Variants in DRC9 observed in about 807,000 individuals in gnomAD.
DRC9 encodes the protein dynein regulatory complex subunit 9.
chr3:197,932,827 T>C, the DRC9 span, among the ~76,000 whole-genome samples: 1 of 109,710 alleles, frequency 9.1e-6, no homozygotes, highest in South Asian at 2.6e-4. Context: ...TATATATATG[T>C]ATTTATATAT....
chr3:197,896,075 G>A, the DRC9 span, among the ~76,000 whole-genome samples: 3 of 151,322 alleles, frequency 2.0e-5, no homozygotes, highest in Admixed American at 1.3e-4. Flanking sequence ...GGGCGCAGTG[G>A]CTCACACCTG....
chr3:197,890,056 A>G, the DRC9 span, among the ~76,000 whole-genome samples: 1 of 152,208 alleles, frequency 6.6e-6, no homozygotes, highest in African/African-American at 2.4e-5. Flanking sequence ...TGAACCAAAA[A>G]GAATGTTAGT....
chr3:197,897,249 G>C, the DRC9 span, among the ~76,000 whole-genome samples: 3 of 151,952 alleles, frequency 2.0e-5, no homozygotes, highest in Non-Finnish European at 4.4e-5. Context: ...GACTCAAAAA[G>C]AGATAAAACA....
chr3:197,905,826 A>G, the DRC9 span, among the ~76,000 whole-genome samples: 1 of 152,194 alleles, frequency 6.6e-6, no homozygotes, highest in Non-Finnish European at 1.5e-5. Flanking sequence ...AAGTCTATTA[A>G]TGTATTTCCC....
the DRC9 span, chr3:197,938,487 G>A: frequency 6.6e-6 from 8 of 1,206,926 alleles, no homozygotes; most frequent in Admixed American, 1.7e-5. Flanking sequence ...CCACCTGGGC[G>A]CCCCTTCGCT....
At chr3:197,944,198 C>T in the DRC9 span, 9 of 701,764 alleles carry the variant, frequency 1.3e-5, no homozygotes, top group East Asian at 1.3e-4. Context: ...GAGGATTTGG[C>T]GTGTGATTCT....
the DRC9 span, among the ~76,000 whole-genome samples, chr3:197,946,864 C>G: frequency 6.6e-6 from 1 of 151,966 alleles, no homozygotes; most frequent in African/African-American, 2.4e-5. Context: ...CTCTTCTTGC[C>G]TAGGCTGCAG....
chr3:197,904,733 A>T, the DRC9 span, among the ~76,000 whole-genome samples: 1 of 152,078 alleles, frequency 6.6e-6, no homozygotes, highest in Non-Finnish European at 1.5e-5. Flanking sequence ...GGTGGCGCAC[A>T]CCTGTAGTCC....
the DRC9 span, chr3:197,955,865 T>C: frequency 9.3e-7 from 1 of 1,080,002 alleles, no homozygotes; most frequent in Non-Finnish European, 1.4e-6. Context: ...ATTTGCTACA[T>C]GCTTAAAATG....
chr3:197,924,323 C>T, the DRC9 span, among the ~76,000 whole-genome samples: 9 of 152,242 alleles, frequency 5.9e-5, no homozygotes, highest in Non-Finnish European at 1.3e-4. Context: ...TGTGCCATTG[C>T]ACTCCAGCCT....
the DRC9 span, chr3:197,949,756 G>T: frequency 3.3e-6 from 1 of 303,698 alleles, no homozygotes; most frequent in Non-Finnish European, 6.0e-6. Context: ...TTCCATGCTA[G>T]ATTAGGATCC....
the DRC9 span, among the ~76,000 whole-genome samples, chr3:197,921,147 G>A: frequency 7.6e-6 from 1 of 130,794 alleles, no homozygotes; most frequent in African/African-American, 3.4e-5. Flanking sequence ...CAGTAACTCC[G>A]GGGATGTAAC....
chr3:197,954,046 A>C, the DRC9 span: 1 of 1,613,964 alleles, frequency 6.2e-7, no homozygotes, highest in Non-Finnish European at 8.5e-7. Context: ...AACCAGAGTC[A>C]TCTGGGGAAA....
At chr3:197,955,775 C>T in the DRC9 span, 1 of 1,603,262 alleles carries the variant, frequency 6.2e-7, no homozygotes, top group Non-Finnish European at 8.5e-7. Flanking sequence ...AGGATTTAAA[C>T]TAACGAAAAA....
chr3:197,895,945 A>G, the DRC9 span, among the ~76,000 whole-genome samples: 91 of 145,416 alleles, frequency 6.3e-4, 1 homozygote, highest in Non-Finnish European at 1.1e-3. Context: ...ATTGCACTCC[A>G]GCCTGGGCAA....
chr3:197,889,840 A>G, the DRC9 span: 6 of 1,112,862 alleles, frequency 5.4e-6, no homozygotes, highest in African/African-American at 3.1e-5. Flanking sequence ...AGGACATGGA[A>G]GTAGCCAGGC....
At chr3:197,935,844 T>C in the DRC9 span, among the ~76,000 whole-genome samples, 1 of 152,170 alleles carries the variant, frequency 6.6e-6, no homozygotes, top group East Asian at 1.9e-4. Context: ...TCTTCAGCCC[T>C]TTCTGCCTGT....
chr3:197,927,534 T>A, the DRC9 span, among the ~76,000 whole-genome samples: 1 of 152,198 alleles, frequency 6.6e-6, no homozygotes, highest in African/African-American at 2.4e-5. Context: ...CCAGGAATTT[T>A]TAGAAAGCAC....
At chr3:197,898,323 T>C in the DRC9 span, among the ~76,000 whole-genome samples, 23 of 152,250 alleles carry the variant, frequency 1.5e-4, no homozygotes, top group Admixed American at 1.4e-3. Flanking sequence ...TCAGATCCTG[T>C]AAATTACAGC....
Sources: allele counts gnomAD v4.1 joint callset (sites outside exome capture counted in the v4.1 genomes callset), GRCh38; gene constraint gnomAD v4.1.1; transcripts MANE v1.5; gene names NCBI Gene and HGNC (gene_info 2026-07-23, HGNC 2026-07-21).